STAT4: variants seen among roughly 807,000 people sequenced by gnomAD.
STAT4 encodes the protein signal transducer and activator of transcription 4.
STAT4 carries 42 observed loss-of-function variants against 110.5 expected under a neutral mutation model. That is an observed-to-expected ratio of 0.38 (90% CI 0.30 to 0.49). The LOEUF is 0.49. Ranked by LOEUF, STAT4 falls within the 20% of genes least tolerant of loss-of-function variation. The probability of loss-of-function intolerance (pLI) is 0.95; values close to 1 mark genes in which losing one functional copy is unlikely to be tolerated. For synonymous variants in STAT4, 284 were observed against 302.2 expected (o/e 0.94, Z 0.63); for missense variants, 632 against 887.9 (o/e 0.71, Z 3.66).
At chr2:191,078,172 C>G (rs1467426566) in intron 3 of STAT4, among the ~76,000 whole-genome samples, 1 of 152,072 alleles carries the variant, frequency 6.6e-6, no homozygotes, top group Non-Finnish European at 1.5e-5. Context: ...CTCTTGCCAT[C>G]CAAGATTAGG....
chr2:191,129,970 C>A (rs1698988219), intron 3 of STAT4, among the ~76,000 whole-genome samples: 2 of 151,818 alleles, frequency 1.3e-5, no homozygotes. Flanking sequence ...TCTATTTCCA[C>A]TTGTTTTAGT....
In STAT4 at chr2:191,090,565, GGTTT is replaced by G. The variant is rs1036575913; in HGVS notation, c.274-14244_274-14241del. On this transcript the variant is annotated intron_variant, in intron 3 of 23. Transcript: ENST00000392320. This position sits in a 1 kb window ranked among gnomAD's most constrained non-coding sequence, Gnocchi z 4.2. ...TTTATTTATTTTTAAACTACTACTT[GGTTT>G]GTTTGTTTGAGACAGAGTCTTGCTT... 3.3e-5 allele frequency among the ~76,000 whole-genome samples: 5 copies of G among 151,852 alleles called. No individual in the cohort carries two copies. In the South Asian group the frequency reaches 6.2e-4, roughly 19 times the overall value.
chr2:191,119,762 T>C (rs575911905), intron 3 of STAT4, among the ~76,000 whole-genome samples: 2 of 152,330 alleles, frequency 1.3e-5, no homozygotes, highest in East Asian at 3.9e-4. Flanking sequence ...TTTACTATCA[T>C]ATATCAAGAC....
At chr2:191,149,323 C>T (rs1405484609) in intron 1 of STAT4, among the ~76,000 whole-genome samples, 3 of 151,964 alleles carry the variant, frequency 2.0e-5, no homozygotes, top group African/African-American at 7.3e-5. Context: ...CACCTTTTCC[C>T]TGAGCTCCTG....
rs1456018067 is a variant in STAT4, at chr2:191,059,292, C to T, written c.1035-523G>A. On this transcript the variant is annotated intron_variant, in intron 10 of 23. Transcript: ENST00000392320. The surrounding 1 kb of genome is among the most constrained non-coding windows in gnomAD (Gnocchi z 4.7). Reference sequence around the variant, plus strand: ...CACTATATTTAAGTAACAGCAAAAACGTTCATTAAAAAAACAAACTTCAAA... The same window carrying T: ...CACTATATTTAAGTAACAGCAAAAATGTTCATTAAAAAAACAAACTTCAAA... Among the ~76,000 whole-genome samples the T allele has an allele frequency of 6.6e-6, 1 of 152,098 alleles. No individual in the cohort carries two copies. Among genetic ancestry groups the T allele is most frequent in the African/African-American group, 2.4e-5 (1 of 41,418 alleles).
chr2:191,072,937 G>C lies in STAT4; in HGVS notation c.465+161C>G, dbSNP rs145606660. Among the ~76,000 whole-genome samples, 709 of 152,272 alleles carry C rather than the reference G, an allele frequency of 4.7e-3. 7 individuals are homozygous for C. The highest frequency in any genetic ancestry group is 8.5e-3 in the Non-Finnish European group (575 of 68,008). On this transcript the variant is annotated intron_variant, in intron 5 of 23. Transcript: ENST00000392320. ...GTGAAGTTAAAATGTTTCCCATAAAGAAATATTCTTATATAAACATAGTAT... is the reference window on the plus strand; with the variant it reads ...GTGAAGTTAAAATGTTTCCCATAAACAAATATTCTTATATAAACATAGTAT...
chr2:191,133,774 A>G (rs1189821794), intron 3 of STAT4, among the ~76,000 whole-genome samples: 2 of 151,782 alleles, frequency 1.3e-5, no homozygotes, highest in African/African-American at 2.4e-5. Context: ...TTCAGAAATC[A>G]TGCTTCTAGA....
At chr2:191,034,524 T>C in intron 18 of STAT4, 24 bp downstream of exon 18, 2 of 1,593,258 alleles carry the variant, frequency 1.3e-6, no homozygotes, top group Non-Finnish European at 1.7e-6. Context: ...TGTATCTAAA[T>C]GATGTTTCCC....
At chr2:191,125,220 T>A (rs16833276) in intron 3 of STAT4, among the ~76,000 whole-genome samples, 7,213 of 152,236 alleles carry the variant, frequency 0.047, 575 homozygotes, top group African/African-American at 0.16. Context: ...CGTATCTTTC[T>A]ACTGAGGCAG....
At chr2:191,118,056 A>G (rs564660262) in intron 3 of STAT4, among the ~76,000 whole-genome samples, 1 of 152,228 alleles carries the variant, frequency 6.6e-6, no homozygotes, top group Non-Finnish European at 1.5e-5. Context: ...CAAACTGGCA[A>G]AGATTAAAAC....
At position 191,140,574 on chromosome 2, in the gene STAT4, GAA is replaced by G. The variant is rs530547052; in HGVS notation, c.273+6037_273+6038del. Among the ~76,000 whole-genome samples the G allele has an allele frequency of 7.9e-5, 12 of 152,202 alleles. No individual in the cohort carries two copies. The highest frequency in any genetic ancestry group is 2.6e-4 in the African/African-American group (11 of 41,536). ...TTACTCCTGCGAGAATGGCCATAATGAAAAAGTCAAAAACCAATAGACGCTGG... is the reference window on the plus strand; with the variant it reads ...TTACTCCTGCGAGAATGGCCATAATGAAAGTCAAAAACCAATAGACGCTGG... On this transcript the variant is annotated intron_variant, in intron 3 of 23. Transcript: ENST00000392320. The surrounding 1 kb of genome is among the most constrained non-coding windows in gnomAD (Gnocchi z 4.4).
Position 191,146,799 on chromosome 2 carries a change from G to A in STAT4, c.129-42C>T. Reference sequence around the variant, plus strand: ...TTATTACACAACAGAAAACAACTTTGTAAAATGTCTACTTTTTTACCATAC... The same window carrying A: ...TTATTACACAACAGAAAACAACTTTATAAAATGTCTACTTTTTTACCATAC... On this transcript the variant is annotated intron_variant, in intron 2 of 23. Coordinates refer to ENST00000392320, the MANE Select transcript of STAT4 (RefSeq NM_003151.4). This position sits in a 1 kb window ranked among gnomAD's most constrained non-coding sequence, Gnocchi z 4.5. 3 of 1,433,528 alleles carry A rather than the reference G, an allele frequency of 2.1e-6. No homozygotes were observed. In the South Asian group the frequency reaches 4.9e-5, roughly 24 times the overall value. 88.8% of individuals were successfully genotyped at this position (1,433,528 alleles called of 1,614,324 possible).
intron 3 of STAT4, among the ~76,000 whole-genome samples, chr2:191,080,937 C>T (rs1202148326): frequency 6.6e-6 from 1 of 152,098 alleles, no homozygotes; most frequent in Admixed American, 6.6e-5. Flanking sequence ...TGGTTTGCTG[C>T]ACTCATCAAC....
intron 3 of STAT4, among the ~76,000 whole-genome samples, chr2:191,084,133 G>A (rs1034200082): frequency 2.6e-5 from 4 of 151,986 alleles, no homozygotes; most frequent in Non-Finnish European, 4.4e-5. Flanking sequence ...ATGGTGGTGC[G>A]TGACTGTAAT....
chr2:191,064,521 G>A (rs965251526), intron 8 of STAT4, among the ~76,000 whole-genome samples: 21 of 152,174 alleles, frequency 1.4e-4, no homozygotes, highest in Admixed American at 6.5e-4. Context: ...TGTCCTTAAA[G>A]AAAGTATATT....
chr2:191,112,690 T>C lies in STAT4; in HGVS notation c.273+33923A>G, dbSNP rs745434860. On this transcript the variant is annotated intron_variant, in intron 3 of 23. Transcript: ENST00000392320. This position sits in a 1 kb window ranked among gnomAD's most constrained non-coding sequence, Gnocchi z 4.3. The stretch of plus-strand genomic sequence containing the variant: ...TGACAACTTTGTGAGGTGTTATTAT[T>C]ACTCCATTTCTGCAGTGAGGAACAC... Among the ~76,000 whole-genome samples the C allele has an allele frequency of 3.3e-5, 5 of 152,214 alleles. No individual in the cohort carries two copies. Among genetic ancestry groups the C allele is most frequent in the Admixed American group, 6.5e-5 (1 of 15,276 alleles).
chr2:191,106,302 G>A (rs1165628357), intron 3 of STAT4, among the ~76,000 whole-genome samples: 1 of 151,854 alleles, frequency 6.6e-6, no homozygotes, highest in African/African-American at 2.4e-5. Flanking sequence ...GAACTTGGCA[G>A]AAGACAAATC....
intron 3 of STAT4, chr2:191,131,724 T>G: frequency 8.2e-7 from 1 of 1,213,394 alleles, no homozygotes; most frequent in Non-Finnish European, 1.0e-6. Context: ...AATTCTCCGA[T>G]GTTTTGTATT....
intron 1 of STAT4, among the ~76,000 whole-genome samples, chr2:191,148,978 G>T (rs985712234): frequency 6.6e-6 from 1 of 152,124 alleles, no homozygotes; most frequent in Non-Finnish European, 1.5e-5. Context: ...CTATTTGGCA[G>T]CCTGTCATAA....
Sources: gnomAD v4.1 joint callset for allele counts (sites outside exome capture counted in the v4.1 genomes callset) on GRCh38, gnomAD v4.1.1 for gene constraint, Gnocchi (gnomAD v3.1) non-coding constraint, MANE v1.5 for transcripts, NCBI Gene and HGNC (gene_info 2026-07-23, HGNC 2026-07-21) for gene names.